PCDHA3: variants seen among roughly 807,000 people sequenced by gnomAD.
The protein encoded by PCDHA3 is protocadherin alpha-3.
Under a neutral mutation model 62.2 loss-of-function variants are expected in PCDHA3, and 41 were observed. The observed-to-expected ratio is 0.66, with a 90% CI of 0.51 to 0.86. PCDHA3 has a LOEUF of 0.86. Among genes scored for constraint, PCDHA3 ranks in the 40% least tolerant of loss-of-function variants. PCDHA3 has a pLI of 0.00. For missense variants in PCDHA3, 1,304 were observed against 1,241.2 expected, an observed-to-expected ratio of 1.05 and a Z score of -0.76; for synonymous variants, 640 against 555.4, an observed-to-expected ratio of 1.15 and a Z score of -2.14.
Position 140,929,116 on chromosome 5 carries a change from A to G in PCDHA3, c.2395-49833A>G, listed in dbSNP as rs535394812. The G allele has an allele frequency of 2.9e-5, 47 of 1,614,170 alleles. No homozygotes were observed. The East Asian group carries it at 8.9e-4, about 31-fold the overall frequency. Reference sequence around the variant, plus strand: ...AAATCCTTGCATGACATCAGCCACCATAGATGTCACTACAGTTGAGAGACT... The same window carrying G: ...AAATCCTTGCATGACATCAGCCACCGTAGATGTCACTACAGTTGAGAGACT... On this transcript the variant is annotated intron_variant, in intron 1 of 3. Coordinates refer to ENST00000522353, the MANE Select transcript of PCDHA3 (RefSeq NM_018906.3).
intron 2 of PCDHA3, among the ~76,000 whole-genome samples, chr5:140,979,906 C>T (rs190577549): frequency 1.8e-4 from 27 of 152,204 alleles, no homozygotes; most frequent in African/African-American, 5.5e-4. Context: ...TAGATCAGTT[C>T]GTAAAGAGAA....
chr5:140,975,623 A>G (rs2096675265), intron 1 of PCDHA3, among the ~76,000 whole-genome samples: 1 of 152,244 alleles, frequency 6.6e-6, no homozygotes, highest in Admixed American at 6.5e-5. Flanking sequence ...ATGGATTTCC[A>G]TGGTACGAAG....
Position 140,801,433 on chromosome 5 carries a change from T to G in PCDHA3, c.236T>G (p.Leu79Arg), listed in dbSNP as rs782752855. The G allele has an allele frequency of 1.5e-5, 24 of 1,613,818 alleles. No homozygotes were observed. The highest frequency in any genetic ancestry group is 2.2e-5 in the South Asian group (2 of 91,064). The change falls in exon 1 of 4, where the codon CTG (leucine) becomes CGG (arginine). Residue 79 changes from leucine to arginine, a missense_variant. Coordinates refer to ENST00000522353, the MANE Select transcript of PCDHA3 (RefSeq NM_018906.3). Reference protein sequence around the residue: ...KRHGDLLEVNLQNGILFVNSR... With the variant: ...KRHGDLLEVNRQNGILFVNSR... The stretch of plus-strand genomic sequence containing the variant: ...CACGGGGACCTTCTGGAGGTAAATC[T>G]GCAGAATGGCATTTTGTTTGTGAAT...
At position 140,927,603 on chromosome 5, in the gene PCDHA3, A is replaced by G. The variant is rs538616533; in HGVS notation, c.2395-51346A>G. On this transcript the variant is annotated intron_variant, in intron 1 of 3. Coordinates refer to ENST00000522353, the MANE Select transcript of PCDHA3 (RefSeq NM_018906.3). ...ACGCGCCTGTATTTGAGCGCTCCGT[A>G]TACCGCACCAAGGTTCCAGAGACTG... 8.1e-6 allele frequency: 13 copies of G among 1,614,190 alleles called. No homozygotes were observed. In the Admixed American group the frequency reaches 1.2e-4, roughly 14 times the overall value.
intron 1 of PCDHA3, chr5:140,966,657 G>A: frequency 1.7e-6 from 2 of 1,210,192 alleles, no homozygotes; most frequent in Admixed American, 3.9e-5. Context: ...TGAGCGGTGG[G>A]GGAGCAGGCG....
chr5:140,955,987 A>G (rs1185683030), intron 1 of PCDHA3, among the ~76,000 whole-genome samples: 3 of 152,198 alleles, frequency 2.0e-5, no homozygotes, highest in African/African-American at 7.2e-5. Flanking sequence ...CAATTTTTGC[A>G]CATTGATTTT....
At chr5:140,838,604 C>T (rs1335900872) in intron 1 of PCDHA3, among the ~76,000 whole-genome samples, 1 of 151,900 alleles carries the variant, frequency 6.6e-6, no homozygotes, top group Non-Finnish European at 1.5e-5. Flanking sequence ...ATTGTCTAGA[C>T]TTTTAAAAAT....
intron 1 of PCDHA3, chr5:140,861,416 C>G: frequency 2.1e-6 from 1 of 477,054 alleles, no homozygotes; most frequent in South Asian, 1.6e-5. Flanking sequence ...TGATACCGCG[C>G]CTGTTTCAGT....
chr5:140,805,381 C>T (rs1212116248), intron 1 of PCDHA3: 3 of 1,111,222 alleles, frequency 2.7e-6, no homozygotes, highest in Admixed American at 5.2e-5. Context: ...AGTGAAAGTA[C>T]TCTGGTTTCT....
At chr5:140,962,770 G>A (rs1387109570) in intron 1 of PCDHA3, among the ~76,000 whole-genome samples, 1 of 152,164 alleles carries the variant, frequency 6.6e-6, no homozygotes, top group Admixed American at 6.5e-5. Flanking sequence ...TTTTTAACAA[G>A]ATGGAATTTT....
rs139627437 is a variant in PCDHA3 at position 140,801,636 on chromosome 5, C to T, written c.439C>T (p.Gln147Ter). 4 of 1,614,120 alleles carry T rather than the reference C, an allele frequency of 2.5e-6. No homozygotes were observed. In the Admixed American group the frequency reaches 6.7e-5, roughly 27 times the overall value. Residue 147 changes from glutamine (Q) to a stop codon, truncating the protein, a stop_gained, in exon 1 of 4, where the codon CAG (glutamine) becomes TAG (stop). Transcript: ENST00000522353. LOFTEE classifies it high-confidence loss of function. ...GAATCTGTTTATTTCCGAATCCCGA[C>T]AGCCTGGCTCTCGGTTTTCGCTAGA... The part of the protein sequence containing the change: ...VKNLFISESR[Q>*]PGSRFSLEGA...
rs1468023738 is a variant in PCDHA3 at position 140,803,546 on chromosome 5, G to C, written c.2349G>C (p.Arg783=). 3.7e-6 allele frequency: 6 copies of C among 1,614,060 alleles called. No homozygotes were observed. Among genetic ancestry groups the C allele is most frequent in the Admixed American group, 1.7e-5 (1 of 60,008 alleles). Residue 783 remains arginine (R), a synonymous_variant, in exon 1 of 4, where the codon CGG becomes CGC. Coordinates refer to ENST00000522353, the MANE Select transcript of PCDHA3 (RefSeq NM_018906.3). Reference sequence around the variant, plus strand: ...GCCTTCCTCCTTGTCCAATTAGCCGGGATAGAGAGGAGAAACAGGATGTGG... The same window carrying C: ...GCCTTCCTCCTTGTCCAATTAGCCGCGATAGAGAGGAGAAACAGGATGTGG... The part of the protein sequence containing the change: ...SPSLPPCPIS[R]DREEKQDVDV...
At chr5:140,871,151 C>A in intron 1 of PCDHA3, 1 of 1,613,328 alleles carries the variant, frequency 6.2e-7, no homozygotes, top group Non-Finnish European at 8.5e-7. Flanking sequence ...CGGACTTTGG[C>A]GGGCGCCGCG....
chr5:140,985,683 G>A (rs926848363), intron 3 of PCDHA3, among the ~76,000 whole-genome samples: 3 of 151,224 alleles, frequency 2.0e-5, no homozygotes, highest in African/African-American at 7.3e-5. Context: ...CCTGCCTTAC[G>A]CTAATCCTCG....
chr5:140,875,216 A>T, intron 1 of PCDHA3: 1 of 717,612 alleles, frequency 1.4e-6, no homozygotes, highest in East Asian at 3.2e-5. Flanking sequence ...ACCGAAAAGA[A>T]CCTCAGGATC....
intron 2 of PCDHA3, 141 bp downstream of exon 2, chr5:140,979,148 C>G: frequency 6.9e-7 from 1 of 1,441,158 alleles, no homozygotes; most frequent in South Asian, 1.5e-5. Context: ...TTATTTTGTC[C>G]CCATGTTTAT....
chr5:140,907,136 G>A (rs115442963), intron 1 of PCDHA3, among the ~76,000 whole-genome samples: 1,721 of 152,234 alleles, frequency 0.011, 29 homozygotes, highest in African/African-American at 0.038. Flanking sequence ...TGTGAATTCC[G>A]GCTATGGGAG....
chr5:140,830,263 G>C (rs2150183711), intron 1 of PCDHA3: 3 of 1,613,640 alleles, frequency 1.9e-6, no homozygotes, highest in Non-Finnish European at 2.5e-6. Context: ...TGCGGTGCTC[G>C]GCGCCACCCA....
chr5:140,969,823 T>C (rs782195981), intron 1 of PCDHA3, among the ~76,000 whole-genome samples: 3 of 152,248 alleles, frequency 2.0e-5, no homozygotes, highest in Non-Finnish European at 4.4e-5. Context: ...CTCTGGACTG[T>C]CTACAGTGGA....
Sources: allele counts gnomAD v4.1 joint callset (sites outside exome capture counted in the v4.1 genomes callset), GRCh38; gene constraint gnomAD v4.1.1; transcripts MANE v1.5; gene names NCBI Gene and HGNC (gene_info 2026-07-23, HGNC 2026-07-21).